Variants in COX7B2 observed in about 807,000 individuals in gnomAD.
COX7B2 encodes cytochrome c oxidase subunit 7B2, mitochondrial.
For missense variants in COX7B2, 109 were observed against 95.9 expected (o/e 1.14, Z -0.57); for synonymous variants, 37 against 32.1 (o/e 1.15, Z -0.51).
intron 2 of COX7B2, among the ~76,000 whole-genome samples, chr4:46,826,540 C>A (rs1468412346): frequency 6.6e-6 from 1 of 151,736 alleles, no homozygotes; most frequent in African/African-American, 2.4e-5. Flanking sequence ...ATTATTCTAC[C>A]ATAAAAAAAC....
intron 2 of COX7B2, among the ~76,000 whole-genome samples, chr4:46,818,895 T>G (rs1468699538): frequency 6.6e-6 from 1 of 152,248 alleles, no homozygotes; most frequent in Non-Finnish European, 1.5e-5. Context: ...ATTACTTATT[T>G]GGCTGTTTTC....
rs144152492 is a variant in COX7B2, at chr4:46,894,164, T to G, written c.-105+14996A>C. Among the ~76,000 whole-genome samples the G allele has an allele frequency of 1.4e-4, 22 of 152,170 alleles. No individual in the cohort carries two copies. The East Asian group carries it at 3.7e-3, about 25-fold the overall frequency. On this transcript the variant is annotated intron_variant, in intron 1 of 2. Transcript: ENST00000355591. Reference sequence around the variant, plus strand: ...TCTTCACAGAACTAGAAAAAACCATTTAAAAATTTATATGGAACCAAAAGA... The same window carrying G: ...TCTTCACAGAACTAGAAAAAACCATGTAAAAATTTATATGGAACCAAAAGA...
chr4:46,865,865 G>A (rs770164646), intron 1 of COX7B2, among the ~76,000 whole-genome samples: 2 of 152,090 alleles, frequency 1.3e-5, no homozygotes, highest in South Asian at 2.1e-4. Context: ...TCTGGACCTC[G>A]TAATTAACCA....
At chr4:46,900,107 A>G (rs938922208) in intron 1 of COX7B2, among the ~76,000 whole-genome samples, 1 of 152,180 alleles carries the variant, frequency 6.6e-6, no homozygotes, top group South Asian at 2.1e-4. Flanking sequence ...CCAAAATTAA[A>G]CTTAGCTCTC....
chr4:46,805,473 T>C (rs773284356), intron 2 of COX7B2, among the ~76,000 whole-genome samples: 1 of 152,272 alleles, frequency 6.6e-6, no homozygotes, highest in Non-Finnish European at 1.5e-5. Flanking sequence ...TATCTTGTTT[T>C]ATCTGTGTTA....
chr4:46,852,838 C>T (rs930358138), intron 1 of COX7B2, among the ~76,000 whole-genome samples: 1 of 151,860 alleles, frequency 6.6e-6, no homozygotes, highest in Non-Finnish European at 1.5e-5. Flanking sequence ...TATCTAGTGT[C>T]ACATTTTTTG....
At chr4:46,864,890 C>T (rs965336209) in intron 1 of COX7B2, among the ~76,000 whole-genome samples, 4 of 152,064 alleles carry the variant, frequency 2.6e-5, no homozygotes, top group South Asian at 2.1e-4. Context: ...GTGATCAGCC[C>T]GCCTCAGCCT....
At chr4:46,855,690 A>T (rs1446992051) in intron 1 of COX7B2, among the ~76,000 whole-genome samples, 1 of 152,142 alleles carries the variant, frequency 6.6e-6, no homozygotes, top group African/African-American at 2.4e-5. Flanking sequence ...TAATGAAGAG[A>T]TATGTAATAT....
intron 1 of COX7B2, among the ~76,000 whole-genome samples, chr4:46,870,030 CTCTTTACAT>C (rs1349888640): frequency 1.3e-5 from 2 of 152,058 alleles, no homozygotes; most frequent in African/African-American, 4.8e-5. Flanking sequence ...TAGATTTGGC[CTCTTTACAT>C]AATCCCATAC....
At chr4:46,752,610 T>G (rs1471628630) in intron 2 of COX7B2, among the ~76,000 whole-genome samples, 1 of 152,154 alleles carries the variant, frequency 6.6e-6, no homozygotes, top group Non-Finnish European at 1.5e-5. Flanking sequence ...CCTAATTTAT[T>G]GAGAGTTTTT....
intron 1 of COX7B2, among the ~76,000 whole-genome samples, chr4:46,902,840 G>A (rs1720152479): frequency 6.6e-6 from 1 of 152,046 alleles, no homozygotes; most frequent in Admixed American, 6.5e-5. Context: ...TCAAACCACT[G>A]TACTCCAGTC....
At chr4:46,899,732 T>C (rs1239113020) in intron 1 of COX7B2, among the ~76,000 whole-genome samples, 1 of 152,186 alleles carries the variant, frequency 6.6e-6, no homozygotes, top group Non-Finnish European at 1.5e-5. Context: ...TGTAAAAGTA[T>C]TTTCCATTTG....
intron 2 of COX7B2, among the ~76,000 whole-genome samples, chr4:46,761,993 A>T (rs1463758795): frequency 6.6e-6 from 1 of 151,466 alleles, no homozygotes; most frequent in Non-Finnish European, 1.5e-5. Flanking sequence ...TGTGTACAGG[A>T]TCTCATAAAT....
At chr4:46,815,321 G>A (rs1264854669) in intron 2 of COX7B2, among the ~76,000 whole-genome samples, 2 of 152,082 alleles carry the variant, frequency 1.3e-5, no homozygotes, top group African/African-American at 4.8e-5. Flanking sequence ...AAATAAGTAT[G>A]AACAAAACTA....
chr4:46,752,053 T>G (rs58448192), intron 2 of COX7B2, among the ~76,000 whole-genome samples: 5 of 152,030 alleles, frequency 3.3e-5, no homozygotes, highest in Non-Finnish European at 5.9e-5. Flanking sequence ...TCCATGAGCA[T>G]GGAATATTCT....
chr4:46,861,588 A>C (rs1717337878), intron 1 of COX7B2, among the ~76,000 whole-genome samples: 1 of 152,210 alleles, frequency 6.6e-6, no homozygotes, highest in Admixed American at 6.5e-5. Flanking sequence ...TTGGAAAACA[A>C]AATATTTGGC....
At chr4:46,754,048 C>T (rs369286507) in intron 2 of COX7B2, among the ~76,000 whole-genome samples, 5 of 152,098 alleles carry the variant, frequency 3.3e-5, no homozygotes, top group African/African-American at 9.6e-5. Flanking sequence ...GCAATCATTA[C>T]AAAGTCAGGA....
intron 2 of COX7B2, among the ~76,000 whole-genome samples, chr4:46,782,410 T>C (rs1193931337): frequency 6.6e-6 from 1 of 151,946 alleles, no homozygotes; most frequent in Non-Finnish European, 1.5e-5. Flanking sequence ...CTTTTGTGCC[T>C]AGCTAAAGGA....
At chr4:46,804,207 C>G (rs192562648) in intron 2 of COX7B2, among the ~76,000 whole-genome samples, 1 of 152,078 alleles carries the variant, frequency 6.6e-6, no homozygotes, top group Non-Finnish European at 1.5e-5. Flanking sequence ...CAGACCTTCA[C>G]GGTGAGTGTT....
Sources: allele counts gnomAD v4.1 joint callset (sites outside exome capture counted in the v4.1 genomes callset), GRCh38; gene constraint gnomAD v4.1.1; transcripts MANE v1.5; gene names NCBI Gene and HGNC (gene_info 2026-07-23, HGNC 2026-07-21).